The following NUGGC variants were observed in gnomAD, a reference collection of about 807,000 sequenced individuals.
The protein encoded by NUGGC is nuclear GTPase, germinal center associated, also known as nuclear GTPase SLIP-GC.
Under a neutral mutation model 92.6 loss-of-function variants are expected in NUGGC, and 58 were observed. The observed-to-expected ratio is 0.63, with a 90% CI of 0.51 to 0.78. NUGGC has a LOEUF of 0.78. Ranked by LOEUF, NUGGC falls within the 30% of genes least tolerant of loss-of-function variation. NUGGC has a pLI of 0.00. For missense variants in NUGGC, 925 were observed against 964.6 expected (o/e 0.96, Z 0.54); for synonymous variants, 376 against 366.4 (o/e 1.03, Z -0.30).
At chr8:28,074,218 CTATT>C (rs777163804) in intron 2 of NUGGC, 146 bp downstream of exon 2, 19 of 637,942 alleles carry the variant, frequency 3.0e-5, no homozygotes, top group Non-Finnish European at 5.5e-5. Context: ...TCTTCATTCA[CTATT>C]TAAACTTGTC....
chr8:28,081,219 T>A lies in NUGGC; in HGVS notation c.-47+2556A>T, dbSNP rs994729443. Among the ~76,000 whole-genome samples the A allele has an allele frequency of 1.4e-4, 21 of 152,084 alleles. 1 individual carries two copies. On this transcript the variant is annotated intron_variant, in intron 1 of 18. Transcript: ENST00000413272. ...CTGTAATTCCAGCTGCTTGGGAGACTGAGGCAGGAGAGTCACTTGAAGCCA... is the reference window on the plus strand; with the variant it reads ...CTGTAATTCCAGCTGCTTGGGAGACAGAGGCAGGAGAGTCACTTGAAGCCA...
At position 28,023,258 on chromosome 8, in the gene NUGGC, T is replaced by C. The variant is rs778278918; in HGVS notation, c.*59A>G. On this transcript the variant is annotated 3_prime_UTR_variant, in exon 19 of 19. Coordinates refer to ENST00000413272, the MANE Select transcript of NUGGC (RefSeq NM_001010906.2). Reference sequence around the variant, plus strand: ...TCTTGTCTCTTAAGAACAAAAAAAGTAATTCTAATTCTCTGGCTCTGGGCT... The same window carrying C: ...TCTTGTCTCTTAAGAACAAAAAAAGCAATTCTAATTCTCTGGCTCTGGGCT... 130 of 1,532,900 alleles carry C rather than the reference T, an allele frequency of 8.5e-5. No homozygotes were observed. Among genetic ancestry groups the C allele is most frequent in the Non-Finnish European group, 1.0e-4 (119 of 1,135,166 alleles). 95.0% of individuals were successfully genotyped at this position (1,532,900 alleles called of 1,614,324 possible).
intron 10 of NUGGC, 98 bp from the exon 11 acceptor site, chr8:28,047,710 A>G (rs1809876535): frequency 1.5e-6 from 1 of 677,880 alleles, no homozygotes; most frequent in Non-Finnish European, 2.5e-6. Context: ...ATTTCAGCTC[A>G]CTCATTTTCA....
chr8:28,048,808 A>C (rs1358035399), intron 10 of NUGGC, among the ~76,000 whole-genome samples: 2 of 150,568 alleles, frequency 1.3e-5, no homozygotes, highest in South Asian at 2.1e-4. Context: ...GGTTGCAATG[A>C]GCCAAGATCA....
chr8:28,080,812 A>G (rs1810831793), intron 1 of NUGGC, among the ~76,000 whole-genome samples: 1 of 152,222 alleles, frequency 6.6e-6, no homozygotes, highest in Non-Finnish European at 1.5e-5. Context: ...GTACAGCAGG[A>G]AACAATGTGG....
At chr8:28,054,030 G>A (rs527521601) in intron 10 of NUGGC, among the ~76,000 whole-genome samples, 129 of 152,306 alleles carry the variant, frequency 8.5e-4, no homozygotes, top group Admixed American at 1.4e-3. Context: ...TGAATATAGA[G>A]CTGGTCATCG....
chr8:28,058,766 G>C (rs1311704496), intron 8 of NUGGC, among the ~76,000 whole-genome samples: 2 of 151,538 alleles, frequency 1.3e-5, no homozygotes, highest in South Asian at 2.1e-4. Flanking sequence ...GCAGTGGTAC[G>C]ATCTCAGCTC....
At chr8:28,070,121 C>T (rs1810549675) in intron 3 of NUGGC, 131 bp downstream of exon 3, 1 of 1,440,798 alleles carries the variant, frequency 6.9e-7, no homozygotes, top group Admixed American at 2.8e-5. Context: ...GACTTTGAGC[C>T]CTCTCTTTCC....
chr8:28,036,673 A>G lies in NUGGC; in HGVS notation c.1612-2976T>C, dbSNP rs111488452. 5.5e-4 allele frequency among the ~76,000 whole-genome samples: 84 copies of G among 152,256 alleles called. 1 individual carries two copies. Among genetic ancestry groups the G allele is most frequent in the African/African-American group, 2.0e-3 (82 of 41,552 alleles). ...GCGAATCTTCCCCAAAAATGTTGCCACCTTGCTTTCCCACATCTCCCCATG... is the reference window on the plus strand; with the variant it reads ...GCGAATCTTCCCCAAAAATGTTGCCGCCTTGCTTTCCCACATCTCCCCATG... On this transcript the variant is annotated intron_variant, in intron 13 of 18. Transcript: ENST00000413272.
chr8:28,059,069 G>A (rs565144322), intron 8 of NUGGC, among the ~76,000 whole-genome samples: 1 of 152,252 alleles, frequency 6.6e-6, no homozygotes, highest in East Asian at 1.9e-4. Context: ...GCTGGGGTGA[G>A]ATGGGGAGAA....
In NUGGC at chr8:28,041,061, G is replaced by T. The variant is rs761009988; in HGVS notation, c.1601C>A (p.Ala534Glu). 6 of 1,603,732 alleles carry T rather than the reference G, an allele frequency of 3.7e-6. No individual in the cohort carries two copies. The South Asian group carries it at 6.8e-5, about 18-fold the overall frequency. ...ARTSYRCILRACLVRSKGNQG... is the reference protein window; with the variant it reads ...ARTSYRCILRECLVRSKGNQG... Reference sequence around the variant, plus strand: ...GGAAGGGTCACTCACCACCAAGCATGCTCTGAGGATGCAGCGGTAAGAAGT... The same window carrying T: ...GGAAGGGTCACTCACCACCAAGCATTCTCTGAGGATGCAGCGGTAAGAAGT... The change falls in exon 13 of 19, where the codon GCA becomes GAA. Residue 534 changes from alanine (A) to glutamate (E), a missense_variant. By Grantham distance (107) the Ala-to-Glu change is moderately radical. Transcript: ENST00000413272.
intron 17 of NUGGC, among the ~76,000 whole-genome samples, chr8:28,028,157 G>C (rs1809316982): frequency 6.6e-6 from 1 of 151,864 alleles, no homozygotes; most frequent in African/African-American, 2.4e-5. Flanking sequence ...TTTGTACATG[G>C]TCAACGTACA....
intron 18 of NUGGC, among the ~76,000 whole-genome samples, chr8:28,026,008 C>T (rs900202720): frequency 6.6e-6 from 1 of 152,002 alleles, no homozygotes; most frequent in African/African-American, 2.4e-5. Flanking sequence ...TTCCTTTTTT[C>T]CCCTCTCACA....
At chr8:28,063,690 C>T (rs1202937630) in intron 7 of NUGGC, among the ~76,000 whole-genome samples, 2 of 152,192 alleles carry the variant, frequency 1.3e-5, no homozygotes, top group Non-Finnish European at 2.9e-5. Context: ...ACAATCAGGG[C>T]AGAGGCTAGA....
intron 17 of NUGGC, among the ~76,000 whole-genome samples, chr8:28,028,179 C>T (rs181313279): frequency 5.3e-5 from 8 of 152,124 alleles, no homozygotes; most frequent in Admixed American, 3.3e-4. Context: ...ATTTTTTAAG[C>T]GACATAGTTT....
chr8:28,075,360 C>T (rs1810695304), intron 1 of NUGGC, among the ~76,000 whole-genome samples: 1 of 152,102 alleles, frequency 6.6e-6, no homozygotes, highest in Non-Finnish European at 1.5e-5. Flanking sequence ...GGGGCAGATC[C>T]AGTTGGTCTC....
At chr8:28,071,262 C>T (rs143766819) in intron 2 of NUGGC, among the ~76,000 whole-genome samples, 6 of 152,046 alleles carry the variant, frequency 3.9e-5, no homozygotes, top group East Asian at 1.9e-4. Context: ...AAGCTGAAGA[C>T]GGGGTTAAGT....
chr8:28,070,532 C>T (rs1241344847), intron 2 of NUGGC, among the ~76,000 whole-genome samples, 176 bp from the exon 3 acceptor site: 2 of 151,718 alleles, frequency 1.3e-5, no homozygotes, highest in African/African-American at 4.8e-5. Context: ...GGGAGGATTG[C>T]TTGAGGTCAG....
intron 2 of NUGGC, among the ~76,000 whole-genome samples, chr8:28,071,925 CA>C (rs2054160051): frequency 6.6e-6 from 1 of 152,172 alleles, no homozygotes; most frequent in Admixed American, 6.5e-5. Flanking sequence ...TGCAGAATCA[CA>C]GAGAAGAAAT....
Sources: allele counts gnomAD v4.1 joint callset (sites outside exome capture counted in the v4.1 genomes callset), GRCh38; gene constraint gnomAD v4.1.1; transcripts MANE v1.5; gene names NCBI Gene and HGNC (gene_info 2026-07-23, HGNC 2026-07-21).